KIF6: variants seen among roughly 807,000 people sequenced by gnomAD.
KIF6 encodes kinesin family member 6.
In KIF6, 106 loss-of-function variants were observed where a neutral mutation model predicts 112.7. The observed-to-expected ratio is 0.94, with a 90% CI of 0.80 to 1.11. The LOEUF is 1.11. Ranked by LOEUF, KIF6 falls within the 50% of genes least tolerant of loss-of-function variation. The pLI, the probability that KIF6 is intolerant of heterozygous loss-of-function variation, is 0.00. For missense variants in KIF6, 929 were observed against 964.0 expected, an observed-to-expected ratio of 0.96 and a Z score of 0.48; for synonymous variants, 339 against 339.9, an observed-to-expected ratio of 1.00 and a Z score of 0.03.
At chr6:39,501,478 G>T (rs1489160164) in intron 13 of KIF6, among the ~76,000 whole-genome samples, 1 of 152,142 alleles carries the variant, frequency 6.6e-6, no homozygotes, top group African/African-American at 2.4e-5. Context: ...CTGAGGCTGA[G>T]ATGGCTGAAA....
At chr6:39,594,540 C>A (rs1782140595) in intron 7 of KIF6, among the ~76,000 whole-genome samples, 1 of 152,150 alleles carries the variant, frequency 6.6e-6, no homozygotes, top group Non-Finnish European at 1.5e-5. Context: ...GAATACCAGG[C>A]AGGCCTTAAT....
chr6:39,413,905 C>A (rs1769691069), intron 15 of KIF6, among the ~76,000 whole-genome samples: 1 of 152,176 alleles, frequency 6.6e-6, no homozygotes, highest in African/African-American at 2.4e-5. Context: ...TACTCTAGTG[C>A]ACTAGCAGAG....
At chr6:39,613,362 A>C in intron 5 of KIF6, 44 bp from the exon 6 acceptor site, 7 of 1,508,992 alleles carry the variant, frequency 4.6e-6, no homozygotes, top group Non-Finnish European at 6.2e-6. Flanking sequence ...GCTGAGAATG[A>C]AAAGAACTTG....
Position 39,540,158 on chromosome 6 carries a change from C to G in KIF6, c.1490G>C (p.Gly497Ala), listed in dbSNP as rs765089235. The change falls in exon 13 of 23, where the codon GGC (glycine) becomes GCC (alanine). Residue 497 changes from glycine to alanine, a missense_variant. Physicochemically the swap from Gly to Ala is moderately conservative, Grantham distance 60. This residue lies in a region of KIF6 where 688 missense variants were observed against 662.7 expected (regional missense o/e 1.04). Transcript: ENST00000287152. ...CTGTCTGAATTCACGTCTATCCATG[C>G]CAGCCAAGTGGAGAGCCTCCTGAGC... ...KKAQEALHLA[G>A]MDRREFRQSQ... is the part of the protein sequence containing the mutation. 1.9e-6 allele frequency: 3 copies of G among 1,614,118 alleles called. No homozygotes were observed. The African/African-American group carries it at 4.0e-5, about 22-fold the overall frequency.
chr6:39,410,564 A>C (rs1379169415), intron 15 of KIF6, among the ~76,000 whole-genome samples: 1 of 152,244 alleles, frequency 6.6e-6, no homozygotes, highest in African/African-American at 2.4e-5. Context: ...TTATTATTAC[A>C]TTGACTGTTT....
intron 13 of KIF6, among the ~76,000 whole-genome samples, chr6:39,534,441 C>A (rs923108361): frequency 6.6e-6 from 1 of 152,050 alleles, no homozygotes; most frequent in African/African-American, 2.4e-5. Context: ...CTGATGCAAT[C>A]AACTGGAAGA....
chr6:39,639,803 G>A, intron 3 of KIF6, 46 bp from the exon 4 acceptor site: 1 of 1,541,038 alleles, frequency 6.5e-7, no homozygotes, highest in Non-Finnish European at 8.8e-7. Context: ...ATGGCTAACT[G>A]CATATGAATT....
intron 16 of KIF6, among the ~76,000 whole-genome samples, chr6:39,366,669 A>G (rs1765577511): frequency 6.6e-6 from 1 of 152,200 alleles, no homozygotes; most frequent in East Asian, 1.9e-4. Context: ...CAGTAAGTGC[A>G]AAAGGCCTGA....
chr6:39,412,705 A>G (rs763961931), intron 15 of KIF6, among the ~76,000 whole-genome samples: 2 of 152,218 alleles, frequency 1.3e-5, no homozygotes, highest in Non-Finnish European at 2.9e-5. Context: ...CTCGTATGTT[A>G]AAATTTTGCA....
intron 10 of KIF6, among the ~76,000 whole-genome samples, chr6:39,550,664 G>T (rs1435405684): frequency 6.6e-6 from 1 of 152,174 alleles, no homozygotes; most frequent in African/African-American, 2.4e-5. Flanking sequence ...CTGGTTTGGG[G>T]AGACGATTTG....
intron 13 of KIF6, among the ~76,000 whole-genome samples, chr6:39,526,208 T>A (rs775434951): frequency 2.6e-5 from 4 of 152,200 alleles, no homozygotes; most frequent in Non-Finnish European, 5.9e-5. Flanking sequence ...AATTTTAATA[T>A]CCATAGGGAA....
intron 16 of KIF6, among the ~76,000 whole-genome samples, chr6:39,382,677 T>G (rs1021682742): frequency 6.6e-6 from 1 of 152,172 alleles, no homozygotes; most frequent in African/African-American, 2.4e-5. Flanking sequence ...TCTTTTGGTA[T>G]ATAGCCAGTA....
intron 6 of KIF6, among the ~76,000 whole-genome samples, chr6:39,604,362 C>T (rs766157158): frequency 1.3e-5 from 2 of 152,104 alleles, no homozygotes; most frequent in Non-Finnish European, 2.9e-5. Flanking sequence ...TCTAACTCAG[C>T]CTGGAAAAGT....
At chr6:39,533,554 T>G in intron 13 of KIF6, among the ~76,000 whole-genome samples, 1 of 152,244 alleles carries the variant, frequency 6.6e-6, no homozygotes, top group Admixed American at 6.5e-5. Context: ...GAGGCCTGCC[T>G]GCCTCTGTAG....
chr6:39,684,071 A>C (rs1561927260), intron 3 of KIF6, among the ~76,000 whole-genome samples: 1 of 152,218 alleles, frequency 6.6e-6, no homozygotes, highest in Non-Finnish European at 1.5e-5. Context: ...ACTCCAAGGA[A>C]GCCTGGATTG....
intron 13 of KIF6, among the ~76,000 whole-genome samples, chr6:39,484,611 T>C (rs965799661): frequency 5.3e-5 from 8 of 152,148 alleles, no homozygotes; most frequent in Non-Finnish European, 1.2e-4. Context: ...ATTTTTGAGA[T>C]AAGAAAAAGT....
intron 3 of KIF6, among the ~76,000 whole-genome samples, chr6:39,710,545 G>A (rs1441170527): frequency 2.7e-5 from 4 of 149,424 alleles, no homozygotes; most frequent in African/African-American, 9.8e-5. Flanking sequence ...TCACAAGCAA[G>A]AATAGACTTT....
intron 13 of KIF6, among the ~76,000 whole-genome samples, chr6:39,453,740 T>G (rs769462055): frequency 1.3e-5 from 2 of 152,240 alleles, no homozygotes; most frequent in Non-Finnish European, 2.9e-5. Context: ...AATATAACAG[T>G]CATTAATCAC....
At chr6:39,586,798 A>G (rs1451686398) in intron 7 of KIF6, among the ~76,000 whole-genome samples, 1 of 152,206 alleles carries the variant, frequency 6.6e-6, no homozygotes, top group Non-Finnish European at 1.5e-5. Flanking sequence ...GAACTAAGGG[A>G]AACAGTATAG....
Sources: allele counts gnomAD v4.1 joint callset (sites outside exome capture counted in the v4.1 genomes callset), GRCh38; gene constraint gnomAD v4.1.1; regional missense constraint gnomAD v4.1.1; transcripts MANE v1.5; gene names NCBI Gene and HGNC (gene_info 2026-07-23, HGNC 2026-07-21).